The following FRMD4B variants were observed in gnomAD, a reference collection of about 807,000 sequenced individuals.
FRMD4B encodes the protein FERM domain-containing protein 4B.
Under a neutral mutation model 141.5 loss-of-function variants are expected in FRMD4B, and 74 were observed. That is an observed-to-expected ratio of 0.52 (90% CI 0.43 to 0.63). FRMD4B has a LOEUF of 0.63. Ranked by LOEUF, FRMD4B falls within the 30% of genes least tolerant of loss-of-function variation. The probability of loss-of-function intolerance (pLI) is 0.00; values close to 1 mark genes in which losing one functional copy is unlikely to be tolerated. For synonymous variants in FRMD4B, 506 were observed against 467.9 expected (o/e 1.08, Z -1.05); for missense variants, 1,366 against 1,253.4 (o/e 1.09, Z -1.36).
chr3:69,460,621 G>T (rs564579735), intron 1 of FRMD4B, among the ~76,000 whole-genome samples: 1 of 152,254 alleles, frequency 6.6e-6, no homozygotes, highest in African/African-American at 2.4e-5. Context: ...GATATTCCAG[G>T]TTTTACAGGC....
At chr3:69,316,669 C>A (rs1048289483) in intron 1 of FRMD4B, among the ~76,000 whole-genome samples, 1 of 151,930 alleles carries the variant, frequency 6.6e-6, no homozygotes, top group Non-Finnish European at 1.5e-5. Context: ...GTAAAACAAC[C>A]TTCAAAAGCT....
At chr3:69,254,351 C>T (rs1458717861) in intron 5 of FRMD4B, among the ~76,000 whole-genome samples, 7 of 152,010 alleles carry the variant, frequency 4.6e-5, no homozygotes, top group Admixed American at 4.6e-4. Context: ...TCAGGTGATC[C>T]ATCTACCTCA....
At chr3:69,257,344 AT>A (rs2093498959) in intron 5 of FRMD4B, among the ~76,000 whole-genome samples, 1 of 152,290 alleles carries the variant, frequency 6.6e-6, no homozygotes, top group African/African-American at 2.4e-5. Context: ...TTATTACACA[AT>A]ATGATATCCC....
intron 1 of FRMD4B, among the ~76,000 whole-genome samples, chr3:69,500,277 C>T (rs559504456): frequency 2.6e-5 from 4 of 152,264 alleles, no homozygotes; most frequent in South Asian, 2.1e-4. Flanking sequence ...GAACTCTCAT[C>T]GGGACTTATG....
chr3:69,432,647 G>C (rs1553642439), exon 2 of FRMD4B: 1 of 152,096 alleles, frequency 6.6e-6, no homozygotes. Flanking sequence ...TAACTAGTAA[G>C]TATTCTCTTG....
At chr3:69,280,795 T>G (rs2093641267) in intron 5 of FRMD4B, among the ~76,000 whole-genome samples, 1 of 151,882 alleles carries the variant, frequency 6.6e-6, no homozygotes, top group Admixed American at 6.6e-5. Context: ...AATTTTTGTA[T>G]TTTTTGTAGA....
intron 1 of FRMD4B, among the ~76,000 whole-genome samples, chr3:69,500,149 C>T (rs755048327): frequency 6.6e-6 from 1 of 152,184 alleles, no homozygotes; most frequent in Non-Finnish European, 1.5e-5. Flanking sequence ...GCTGGGTCAC[C>T]ACTGTGGTTT....
chr3:69,342,685 C>T (rs1040428914), intron 1 of FRMD4B, among the ~76,000 whole-genome samples: 2 of 152,128 alleles, frequency 1.3e-5, no homozygotes, highest in African/African-American at 4.8e-5. Context: ...AGTGATGTTT[C>T]AATACATATC....
At chr3:69,379,753 T>C (rs954474341) in intron 1 of FRMD4B, among the ~76,000 whole-genome samples, 1 of 152,232 alleles carries the variant, frequency 6.6e-6, no homozygotes, top group Non-Finnish European at 1.5e-5. Context: ...TTGTGGGCAA[T>C]AGTTCTTGCA....
chr3:69,298,771 T>C (rs7640861), intron 4 of FRMD4B, among the ~76,000 whole-genome samples: 57,544 of 151,988 alleles, frequency 0.38, 11,679 homozygotes, highest in East Asian at 0.59. Context: ...CCCTGACCAC[T>C]GTTTTTAGAA....
intron 16 of FRMD4B, 146 bp from the exon 17 acceptor site, chr3:69,194,019 C>T: frequency 1.6e-6 from 1 of 613,346 alleles, no homozygotes; most frequent in Non-Finnish European, 2.9e-6. Flanking sequence ...CATAGACATC[C>T]TTGTCAAACA....
At chr3:69,402,989 G>A (rs1704593051) in intron 2 of FRMD4B, among the ~76,000 whole-genome samples, 2 of 152,198 alleles carry the variant, frequency 1.3e-5, no homozygotes, top group African/African-American at 4.8e-5. Flanking sequence ...ATACGGCAGA[G>A]AAGAGAAACA....
At chr3:69,358,468 G>A (rs543962672) in intron 1 of FRMD4B, among the ~76,000 whole-genome samples, 3 of 152,140 alleles carry the variant, frequency 2.0e-5, no homozygotes, top group African/African-American at 7.2e-5. Context: ...GATCCGGGGG[G>A]CACATGCCTG....
intron 1 of FRMD4B, among the ~76,000 whole-genome samples, chr3:69,520,109 A>C (rs1407864090): frequency 8.5e-6 from 1 of 118,274 alleles, no homozygotes; most frequent in Non-Finnish European, 1.6e-5. Flanking sequence ...AAAATGGACT[A>C]TATATATATG....
chr3:69,453,523 C>G (rs1705533371), intron 1 of FRMD4B, among the ~76,000 whole-genome samples: 1 of 152,200 alleles, frequency 6.6e-6, no homozygotes, highest in African/African-American at 2.4e-5. Flanking sequence ...TGGAGCTAGC[C>G]AAACTCTGGC....
At chr3:69,445,078 C>T (rs1464765185) in intron 1 of FRMD4B, among the ~76,000 whole-genome samples, 1 of 152,178 alleles carries the variant, frequency 6.6e-6, no homozygotes, top group Non-Finnish European at 1.5e-5. Flanking sequence ...CCTCCGAGCA[C>T]TCCCGCTGCG....
chr3:69,527,975 T>G (rs563424915), intron 1 of FRMD4B, among the ~76,000 whole-genome samples: 7 of 152,196 alleles, frequency 4.6e-5, no homozygotes, highest in Non-Finnish European at 1.0e-4. Context: ...CAGACACTGA[T>G]AGAGGCAAGA....
At chr3:69,221,099 A>G (rs2093190032) in intron 9 of FRMD4B, among the ~76,000 whole-genome samples, 1 of 151,806 alleles carries the variant, frequency 6.6e-6, no homozygotes, top group Non-Finnish European at 1.5e-5. Flanking sequence ...AGTAGCTGGG[A>G]TTACAGGTGG....
intron 2 of FRMD4B, among the ~76,000 whole-genome samples, chr3:69,409,753 T>C (rs573074272): frequency 6.6e-6 from 1 of 151,892 alleles, no homozygotes; most frequent in South Asian, 2.1e-4. Flanking sequence ...TCTCTGCATA[T>C]AGAAAGCTCA....
Sources: allele counts gnomAD v4.1 joint callset (sites outside exome capture counted in the v4.1 genomes callset), GRCh38; gene constraint gnomAD v4.1.1; transcripts MANE v1.5; gene names NCBI Gene and HGNC (gene_info 2026-07-23, HGNC 2026-07-21).